GPD1L: variants seen among roughly 807,000 people sequenced by gnomAD.
GPD1L encodes the protein glycerol-3-phosphate dehydrogenase 1-like protein.
GPD1L carries 17 observed loss-of-function variants against 32.9 expected under a neutral mutation model. The observed-to-expected ratio is 0.52, with a 90% CI of 0.35 to 0.78. The LOEUF is 0.78. GPD1L is among the 30% of genes least tolerant of loss of function. GPD1L has a pLI of 0.01. For synonymous variants in GPD1L, 187 were observed against 165.9 expected (o/e 1.13, Z -0.98); for missense variants, 361 against 447.8 (o/e 0.81, Z 1.75).
Position 32,127,503 on chromosome 3 carries a change from C to T in GPD1L, c.48-573C>T, listed in dbSNP as rs143206909. On this transcript the variant is annotated intron_variant, in intron 1 of 7. Transcript: ENST00000282541. ...TAGGAAAGCCTGTGGGAGACTGAGC[C>T]GTCACTAGAACATGTTTGCTAAATA... Among the ~76,000 whole-genome samples the T allele has an allele frequency of 1.9e-3, 288 of 152,280 alleles. 1 individual carries two copies. Among genetic ancestry groups the T allele is most frequent in the African/African-American group, 6.8e-3 (281 of 41,554 alleles).
At chr3:32,116,355 C>G (rs1559568786) in intron 1 of GPD1L, among the ~76,000 whole-genome samples, 2 of 152,208 alleles carry the variant, frequency 1.3e-5, no homozygotes, top group South Asian at 2.1e-4. Flanking sequence ...TCAGAGCATT[C>G]TCAAAAGGAT....
At chr3:32,116,466 G>A (rs1254710897) in intron 1 of GPD1L, among the ~76,000 whole-genome samples, 1 of 152,122 alleles carries the variant, frequency 6.6e-6, no homozygotes, top group East Asian at 1.9e-4. Context: ...CAGCAATGAT[G>A]GCAGATAAAT....
At chr3:32,143,371 G>A (rs1386624022) in intron 4 of GPD1L, among the ~76,000 whole-genome samples, 2 of 152,114 alleles carry the variant, frequency 1.3e-5, no homozygotes, top group Non-Finnish European at 1.5e-5. Flanking sequence ...GATTACAGGT[G>A]CGAGCCACTG....
At chr3:32,151,152 G>T in intron 5 of GPD1L, 2 of 551,232 alleles carry the variant, frequency 3.6e-6, no homozygotes, top group Middle Eastern at 6.1e-4. Context: ...CACAAAGTGC[G>T]CTTCTCTGGG....
intron 2 of GPD1L, among the ~76,000 whole-genome samples, chr3:32,137,262 C>A (rs959187373): frequency 6.6e-6 from 1 of 152,168 alleles, no homozygotes; most frequent in Non-Finnish European, 1.5e-5. Flanking sequence ...TGACAGAAAA[C>A]CTAAAATAAC....
chr3:32,110,830 G>C (rs1379215156), intron 1 of GPD1L, among the ~76,000 whole-genome samples: 1 of 152,170 alleles, frequency 6.6e-6, no homozygotes, highest in African/African-American at 2.4e-5. Flanking sequence ...AAGCTTCTCA[G>C]GTTCTTTCAA....
intron 2 of GPD1L, among the ~76,000 whole-genome samples, chr3:32,131,501 C>T (rs1559574312): frequency 6.6e-6 from 1 of 152,200 alleles, no homozygotes; most frequent in Non-Finnish European, 1.5e-5. Context: ...TTGCGTCTTA[C>T]AATATGCGGT....
chr3:32,123,686 G>A lies in GPD1L; in HGVS notation c.48-4390G>A, dbSNP rs777637512. Among the ~76,000 whole-genome samples, 7 of 152,056 alleles carry A rather than the reference G, an allele frequency of 4.6e-5. No individual in the cohort carries two copies. In the South Asian group the frequency reaches 6.2e-4, roughly 14 times the overall value. On this transcript the variant is annotated intron_variant, in intron 1 of 7. Coordinates refer to ENST00000282541, the MANE Select transcript of GPD1L (RefSeq NM_015141.4). ...CCTGTGCCCTCGATTCTCAAAATGC[G>A]GGAGTCGAAAGACAGACAGACAGAT...
intron 1 of GPD1L, among the ~76,000 whole-genome samples, chr3:32,127,252 C>A (rs995612281): frequency 2.6e-5 from 4 of 152,160 alleles, no homozygotes; most frequent in Admixed American, 6.5e-5. Context: ...TTGCTCCTCA[C>A]GCCAGGAAGG....
chr3:32,113,018 CAT>C (rs1700274854), intron 1 of GPD1L, among the ~76,000 whole-genome samples: 3 of 152,292 alleles, frequency 2.0e-5, no homozygotes, highest in African/African-American at 7.2e-5. Flanking sequence ...CATACTTTCA[CAT>C]GAGGATAAAT....
At chr3:32,138,067 C>T (rs1029109054) in intron 2 of GPD1L, among the ~76,000 whole-genome samples, 13 of 152,184 alleles carry the variant, frequency 8.5e-5, no homozygotes, top group Non-Finnish European at 1.3e-4. Flanking sequence ...GAAGCCAAGC[C>T]AGAAACACTG....
At chr3:32,155,741 T>C (rs1700979588) in intron 5 of GPD1L, among the ~76,000 whole-genome samples, 1 of 152,214 alleles carries the variant, frequency 6.6e-6, no homozygotes, top group South Asian at 2.1e-4. Flanking sequence ...CAGTGCAGGC[T>C]ACAATTGCAC....
chr3:32,135,794 T>C (rs1289413147), intron 2 of GPD1L, among the ~76,000 whole-genome samples: 3 of 152,126 alleles, frequency 2.0e-5, no homozygotes, highest in Admixed American at 2.0e-4. Context: ...GAAAATGCTT[T>C]GTTGGAGGGG....
Position 32,159,683 on chromosome 3 carries a change from C to G in GPD1L, c.959+9C>G. Reference sequence around the variant, plus strand: ...AAGGGACTACTGGACAAGTAAGTCTCTCAGTCGCCCATGAGACCAGATAAA... The same window carrying G: ...AAGGGACTACTGGACAAGTAAGTCTGTCAGTCGCCCATGAGACCAGATAAA... On this transcript the variant is annotated intron_variant, in intron 7 of 7. Transcript: ENST00000282541. 1 of 1,502,824 alleles carries G rather than the reference C, an allele frequency of 6.7e-7. No individual in the cohort carries two copies. Among genetic ancestry groups the G allele is most frequent in the Non-Finnish European group, 9.3e-7 (1 of 1,078,848 alleles). The allele number at this position is 1,502,824 out of a possible 1,614,324, so 93.1% of individuals were successfully genotyped here. A position where few individuals can be genotyped will look rare whatever the true frequency, so the allele number is the denominator to read the frequency against.
rs1173246176 is a variant in GPD1L, at chr3:32,167,714, G to A, written c.*1804G>A. ...ATATTCCTAGAATTTAAGTTACTTT[G>A]TGAGATTTGGGCCTGTCCCTCAATG... On this transcript the variant is annotated 3_prime_UTR_variant, in exon 8 of 8. Coordinates refer to ENST00000282541, the MANE Select transcript of GPD1L (RefSeq NM_015141.4). 2.0e-5 allele frequency: 3 copies of A among 152,564 alleles called. No homozygotes were observed. The highest frequency in any genetic ancestry group is 1.9e-4 in the East Asian group (1 of 5,198). The allele number at this position is 152,564 out of a possible 1,614,324, so 9.5% of individuals were successfully genotyped here.
chr3:32,138,454 T>C, intron 2 of GPD1L, 133 bp from the exon 3 acceptor site: 1 of 879,456 alleles, frequency 1.1e-6, no homozygotes, highest in South Asian at 1.3e-5. Flanking sequence ...GCAAACACAC[T>C]TGCCTTCCTT....
intron 1 of GPD1L, among the ~76,000 whole-genome samples, chr3:32,115,758 C>CATTTTTTTTTTTTTTT (rs1700323537): frequency 2.2e-5 from 1 of 44,994 alleles, no homozygotes; most frequent in Non-Finnish European, 4.9e-5. Context: ...GTACGTTGAA[C>CATTTTTTTTTTTTTTT]TTTTTTTTTT....
intron 5 of GPD1L, 125 bp from the exon 6 acceptor site, chr3:32,158,751 G>C: frequency 6.5e-7 from 1 of 1,536,766 alleles, no homozygotes; most frequent in East Asian, 2.4e-5. Context: ...GCCCGGCATT[G>C]AGTATTTTGA....
intron 3 of GPD1L, 141 bp downstream of exon 3, chr3:32,138,868 G>A: frequency 1.2e-6 from 1 of 853,638 alleles, no homozygotes; most frequent in Admixed American, 2.0e-5. Flanking sequence ...ATGCTCAAAA[G>A]TCATAAAAAA....
Sources: allele counts gnomAD v4.1 joint callset (sites outside exome capture counted in the v4.1 genomes callset), GRCh38; gene constraint gnomAD v4.1.1; transcripts MANE v1.5; gene names NCBI Gene and HGNC (gene_info 2026-07-23, HGNC 2026-07-21).